Variants in LUZP2 observed in about 807,000 individuals in gnomAD.
LUZP2 encodes the protein leucine zipper protein 2.
A neutral mutation model predicts 51.6 loss-of-function variants in LUZP2; 52 were observed. The observed-to-expected ratio is 1.01, with a 90% CI of 0.81 to 1.27. LUZP2 has a LOEUF of 1.27. Ranked by LOEUF, LUZP2 falls within the 50% of genes most tolerant of loss-of-function variation. The probability of loss-of-function intolerance (pLI) is 0.00; values close to 1 mark genes in which losing one functional copy is unlikely to be tolerated. For missense variants in LUZP2, 436 were observed against 395.4 expected (o/e 1.10, Z -0.87); for synonymous variants, 154 against 137.3 (o/e 1.12, Z -0.85).
rs147360262 is a variant in LUZP2 at position 24,561,816 on chromosome 11, T to TATAATAATAATAATAATAATA, written c.62+64525_62+64526insAATAATAATAATAATAATAAT. Among the ~76,000 whole-genome samples the TATAATAATAATAATAATAATA allele has an allele frequency of 4.5e-3, 542 of 120,864 alleles. 5 individuals carry two copies. Among genetic ancestry groups the TATAATAATAATAATAATAATA allele is most frequent in the African/African-American group, 0.013 (506 of 38,424 alleles). The allele number at this position is 120,864 out of a possible 152,430, so 79.3% of individuals were successfully genotyped here. On this transcript the variant is annotated intron_variant, in intron 1 of 11. Coordinates refer to ENST00000336930, the MANE Select transcript of LUZP2 (RefSeq NM_001009909.4). ...TGCACATGCACCCCAGAACTTAAAG[T>TATAATAATAATAATAATAATA]ATAATAATAATAATGATAATAATAA...
intron 1 of LUZP2, among the ~76,000 whole-genome samples, chr11:24,533,429 A>G (rs545349489): frequency 6.6e-6 from 1 of 151,402 alleles, no homozygotes; most frequent in Non-Finnish European, 1.5e-5. Flanking sequence ...TAACAAAATA[A>G]TACTTGCACG....
At chr11:24,541,364 T>G (rs1851360687) in intron 1 of LUZP2, among the ~76,000 whole-genome samples, 1 of 151,770 alleles carries the variant, frequency 6.6e-6, no homozygotes, top group Non-Finnish European at 1.5e-5. Flanking sequence ...AGGAGAAATA[T>G]TAAGTAAGTA....
chr11:24,852,390 T>C (rs1235288081), intron 5 of LUZP2, among the ~76,000 whole-genome samples: 1 of 152,232 alleles, frequency 6.6e-6, no homozygotes, highest in Non-Finnish European at 1.5e-5. Context: ...GAGCAGGTTG[T>C]TCAGTTTCCA....
At chr11:24,988,200 A>G (rs1197798587) in intron 9 of LUZP2, among the ~76,000 whole-genome samples, 1 of 151,990 alleles carries the variant, frequency 6.6e-6, no homozygotes, top group Non-Finnish European at 1.5e-5. Flanking sequence ...CCAACATCCC[A>G]TGAACTATCC....
intron 1 of LUZP2, among the ~76,000 whole-genome samples, chr11:24,626,289 AT>A (rs918474892): frequency 2.0e-5 from 3 of 152,134 alleles, no homozygotes; most frequent in Non-Finnish European, 4.4e-5. Context: ...TATTGTCTCA[AT>A]TGTGCCATCC....
intron 1 of LUZP2, among the ~76,000 whole-genome samples, chr11:24,520,254 A>G (rs1349263872): frequency 6.6e-6 from 1 of 152,224 alleles, no homozygotes; most frequent in East Asian, 1.9e-4. Flanking sequence ...AAAAAAGGTT[A>G]ATATCTACTC....
intron 7 of LUZP2, among the ~76,000 whole-genome samples, chr11:24,950,864 G>A (rs1855054883): frequency 6.6e-6 from 1 of 151,512 alleles, no homozygotes; most frequent in Non-Finnish European, 1.5e-5. Flanking sequence ...AGGTTTCTAA[G>A]ATGATGATAC....
intron 7 of LUZP2, among the ~76,000 whole-genome samples, chr11:24,963,273 A>G (rs1209954272): frequency 2.0e-5 from 3 of 152,170 alleles, no homozygotes; most frequent in Non-Finnish European, 4.4e-5. Context: ...GCGTGCTGGG[A>G]GAACCACTGC....
intron 1 of LUZP2, among the ~76,000 whole-genome samples, chr11:24,620,677 T>C (rs1044606975): frequency 6.6e-6 from 1 of 152,244 alleles, no homozygotes; most frequent in Admixed American, 6.5e-5. Context: ...ATTTGACCTA[T>C]CTGTGGACAG....
At chr11:24,995,954 A>C (rs1443203235) in intron 9 of LUZP2, among the ~76,000 whole-genome samples, 1 of 151,654 alleles carries the variant, frequency 6.6e-6, no homozygotes, top group African/African-American at 2.4e-5. Context: ...TTATTTAAAA[A>C]TCCAGTAAAA....
At chr11:24,932,740 G>C (rs1854491953) in intron 7 of LUZP2, among the ~76,000 whole-genome samples, 1 of 152,242 alleles carries the variant, frequency 6.6e-6, no homozygotes, top group Admixed American at 6.5e-5. Context: ...CACTGAAAAG[G>C]CAATTGGGTT....
chr11:24,668,642 A>T (rs1166806789), intron 1 of LUZP2, among the ~76,000 whole-genome samples: 2 of 152,192 alleles, frequency 1.3e-5, no homozygotes, highest in Non-Finnish European at 2.9e-5. Flanking sequence ...GCAAAGAGTC[A>T]TACAAGAGTG....
intron 1 of LUZP2, among the ~76,000 whole-genome samples, chr11:24,690,730 G>A (rs1277446514): frequency 2.6e-5 from 4 of 152,018 alleles, no homozygotes. Flanking sequence ...AGTGAGAATA[G>A]TATACTCCTA....
At chr11:24,961,908 G>C (rs1231220568) in intron 7 of LUZP2, among the ~76,000 whole-genome samples, 2 of 151,888 alleles carry the variant, frequency 1.3e-5, no homozygotes, top group Non-Finnish European at 2.9e-5. Flanking sequence ...TCCATGTTTA[G>C]TGCTTCCTTC....
chr11:24,665,540 T>C (rs766592790), intron 1 of LUZP2, among the ~76,000 whole-genome samples: 4 of 152,168 alleles, frequency 2.6e-5, no homozygotes, highest in Non-Finnish European at 5.9e-5. Flanking sequence ...AAATCTCATC[T>C]TGAATTGTAG....
intron 5 of LUZP2, among the ~76,000 whole-genome samples, chr11:24,877,875 C>T (rs1017342708): frequency 6.6e-6 from 1 of 152,054 alleles, no homozygotes; most frequent in Non-Finnish European, 1.5e-5. Context: ...CTTTCAGTGC[C>T]TGGCTTATTT....
intron 1 of LUZP2, among the ~76,000 whole-genome samples, chr11:24,548,990 T>G (rs935926238): frequency 2.0e-5 from 3 of 152,000 alleles, no homozygotes; most frequent in African/African-American, 7.2e-5. Context: ...ACTGTATACT[T>G]ACCCTATGTT....
At chr11:24,726,025 T>C (rs1236220017) in intron 1 of LUZP2, among the ~76,000 whole-genome samples, 1 of 152,078 alleles carries the variant, frequency 6.6e-6, no homozygotes, top group Non-Finnish European at 1.5e-5. Flanking sequence ...TGATTTTGGA[T>C]TTCTAGCCTC....
intron 4 of LUZP2, among the ~76,000 whole-genome samples, chr11:24,755,813 T>A (rs1350075461): frequency 1.3e-5 from 2 of 152,116 alleles, no homozygotes; most frequent in Non-Finnish European, 2.9e-5. Flanking sequence ...GCATGACAAA[T>A]AAAGAAGGAA....
Sources: gnomAD v4.1 joint callset for allele counts (sites outside exome capture counted in the v4.1 genomes callset) on GRCh38, gnomAD v4.1.1 for gene constraint, MANE v1.5 for transcripts, NCBI Gene and HGNC (gene_info 2026-07-23, HGNC 2026-07-21) for gene names.